The following SPATS2 variants were observed in gnomAD, a reference collection of about 807,000 sequenced individuals.
SPATS2 encodes spermatogenesis associated serine rich 2, also known as spermatogenesis-associated serine-rich protein 2.
A neutral mutation model predicts 63.7 loss-of-function variants in SPATS2; 38 were observed. The ratio of observed to expected loss-of-function variants is 0.60; its 90% CI spans 0.46 to 0.78. SPATS2 has a LOEUF of 0.78. Among genes scored for constraint, SPATS2 ranks in the 30% least tolerant of loss-of-function variants. The pLI is 0.00. For missense variants in SPATS2, 588 were observed against 666.2 expected (o/e 0.88, Z 1.29); for synonymous variants, 207 against 232.9 (o/e 0.89, Z 1.01).
intron 3 of SPATS2, among the ~76,000 whole-genome samples, chr12:49,465,555 C>T (rs764477239): frequency 2.6e-5 from 4 of 152,022 alleles, no homozygotes; most frequent in South Asian, 2.1e-4. Flanking sequence ...GTCTTATTAT[C>T]GAATTCTAAG....
chr12:49,390,878 C>T (rs557299828), intron 2 of SPATS2, among the ~76,000 whole-genome samples: 436 of 152,244 alleles, frequency 2.9e-3, no homozygotes, highest in Non-Finnish European at 5.2e-3. Flanking sequence ...TAAACTTCTC[C>T]TTTGAAAGAA....
chr12:49,392,486 G>A (rs1316726344), intron 2 of SPATS2, among the ~76,000 whole-genome samples: 1 of 152,132 alleles, frequency 6.6e-6, no homozygotes. Flanking sequence ...TGGGAGGCGG[G>A]TGAATCACCT....
chr12:49,467,461 C>T (rs1945943312), intron 3 of SPATS2, among the ~76,000 whole-genome samples: 1 of 152,050 alleles, frequency 6.6e-6, no homozygotes, highest in Non-Finnish European at 1.5e-5. Context: ...TGGAAGTGGG[C>T]TTGTTTGTGA....
intron 3 of SPATS2, among the ~76,000 whole-genome samples, chr12:49,483,594 TGAAA>T (rs1307553509): frequency 6.6e-6 from 1 of 152,232 alleles, no homozygotes; most frequent in African/African-American, 2.4e-5. Context: ...GATTAAGCCA[TGAAA>T]GAATCTTTAA....
At chr12:49,524,394 T>C (rs1946996340) in intron 12 of SPATS2, among the ~76,000 whole-genome samples, 1 of 152,222 alleles carries the variant, frequency 6.6e-6, no homozygotes, top group African/African-American at 2.4e-5. Context: ...GTTTAGGTAG[T>C]ACTAGATCCA....
intron 2 of SPATS2, among the ~76,000 whole-genome samples, chr12:49,403,781 A>C (rs1343635751): frequency 6.6e-6 from 1 of 152,134 alleles, no homozygotes. Flanking sequence ...TTGGGGCCTC[A>C]GCTCAAGGGT....
chr12:49,429,343 G>A (rs1264020446), intron 2 of SPATS2, among the ~76,000 whole-genome samples: 2 of 152,144 alleles, frequency 1.3e-5, no homozygotes, highest in South Asian at 4.1e-4. Flanking sequence ...TTACAATTAT[G>A]GGAGAGTTTT....
At chr12:49,440,728 G>T (rs775678001) in intron 2 of SPATS2, among the ~76,000 whole-genome samples, 8 of 152,094 alleles carry the variant, frequency 5.3e-5, no homozygotes, top group Non-Finnish European at 8.8e-5. Flanking sequence ...CGGCCTCCCA[G>T]AGTGCTGGGA....
intron 3 of SPATS2, among the ~76,000 whole-genome samples, chr12:49,471,884 C>G (rs576266741): frequency 6.6e-6 from 1 of 152,114 alleles, no homozygotes; most frequent in South Asian, 2.1e-4. Flanking sequence ...TGCAGTGGCT[C>G]GTACCTGGAT....
At chr12:49,429,766 G>GTCTTTC (rs1945146707) in intron 2 of SPATS2, among the ~76,000 whole-genome samples, 1 of 141,542 alleles carries the variant, frequency 7.1e-6, no homozygotes, top group South Asian at 2.2e-4. Flanking sequence ...TAGAATTTAG[G>GTCTTTC]TCTTTCTCTT....
chr12:49,459,940 G>GAA (rs533258878), intron 2 of SPATS2, among the ~76,000 whole-genome samples: 19 of 105,744 alleles, frequency 1.8e-4, no homozygotes, highest in Admixed American at 8.4e-4. Flanking sequence ...TGTCTCTACT[G>GAA]AAAAAAAAAA....
chr12:49,404,508 G>A (rs886689689), intron 2 of SPATS2, among the ~76,000 whole-genome samples: 2 of 152,026 alleles, frequency 1.3e-5, no homozygotes, highest in Admixed American at 1.3e-4. Flanking sequence ...CCAGCTCCTG[G>A]CCTCAGGTGA....
At chr12:49,440,550 C>A (rs1203655173) in intron 2 of SPATS2, among the ~76,000 whole-genome samples, 1 of 150,984 alleles carries the variant, frequency 6.6e-6, no homozygotes, top group Admixed American at 6.6e-5. Flanking sequence ...CTCACTGCAA[C>A]TTCCACCTCC....
At chr12:49,512,811 CTG>C (rs1475675530) in intron 9 of SPATS2, 1 of 1,264,414 alleles carries the variant, frequency 7.9e-7, no homozygotes, top group African/African-American at 1.5e-5. Context: ...TAATGTCAAA[CTG>C]TAGGCCTGGC....
At chr12:49,511,859 G>A (rs536596946) in intron 9 of SPATS2, among the ~76,000 whole-genome samples, 1 of 152,066 alleles carries the variant, frequency 6.6e-6, no homozygotes, top group Non-Finnish European at 1.5e-5. Flanking sequence ...CATTTATTTT[G>A]TGATGCCAAC....
chr12:49,417,380 A>G (rs1008678311), intron 2 of SPATS2, among the ~76,000 whole-genome samples: 1 of 152,202 alleles, frequency 6.6e-6, no homozygotes, highest in African/African-American at 2.4e-5. Context: ...CCTAAGGGAA[A>G]TTTTGAAAAG....
At chr12:49,379,113 G>C (rs1385142320) in intron 2 of SPATS2, among the ~76,000 whole-genome samples, 1 of 149,242 alleles carries the variant, frequency 6.7e-6, no homozygotes, top group Admixed American at 6.7e-5. Context: ...GTAGAGACAG[G>C]GTTTCTCCAT....
intron 4 of SPATS2, among the ~76,000 whole-genome samples, chr12:49,486,980 A>G (rs551610031): frequency 6.6e-6 from 1 of 152,144 alleles, no homozygotes; most frequent in Admixed American, 6.5e-5. Context: ...TTAAACATGT[A>G]TTTCTTCTCT....
rs575414469 is a variant in SPATS2 at position 49,435,158 on chromosome 12, G to A, written c.-243-25612G>A. On this transcript the variant is annotated intron_variant, in intron 2 of 13. Coordinates refer to ENST00000552918, the MANE Select transcript of SPATS2 (RefSeq NM_023071.4). ...CCATTCTCCTGCCTCAGCCTCCCAA[G>A]TAGCTGGGACTACAGGCGCCTGCCA... Among the ~76,000 whole-genome samples the A allele has an allele frequency of 2.3e-4, 34 of 149,968 alleles. No homozygotes were observed. The South Asian group carries it at 7.3e-3, about 32-fold the overall frequency.
Sources: allele counts gnomAD v4.1 joint callset (sites outside exome capture counted in the v4.1 genomes callset), GRCh38; gene constraint gnomAD v4.1.1; transcripts MANE v1.5; gene names NCBI Gene and HGNC (gene_info 2026-07-23, HGNC 2026-07-21).